The following DAG1 variants were observed in gnomAD, a reference collection of about 807,000 sequenced individuals.
The protein encoded by DAG1 is dystroglycan 1.
In DAG1, 8 loss-of-function variants were observed where a neutral mutation model predicts 46.1. That is an observed-to-expected ratio of 0.17 (90% CI 0.10 to 0.31). The LOEUF is 0.31. Ranked by LOEUF, DAG1 falls within the 10% of genes least tolerant of loss-of-function variation. DAG1 has a pLI of 1.00. For synonymous variants in DAG1, 495 were observed against 481.8 expected (o/e 1.03, Z -0.36); for missense variants, 1,003 against 1,189.9 (o/e 0.84, Z 2.31).
At chr3:49,503,054 G>T (rs1055192406) in intron 1 of DAG1, among the ~76,000 whole-genome samples, 2 of 152,152 alleles carry the variant, frequency 1.3e-5, no homozygotes, top group African/African-American at 4.8e-5. Flanking sequence ...TGGACATTAG[G>T]ATTGTTTTTA....
At chr3:49,525,626 C>T (rs1309057470) in intron 2 of DAG1, among the ~76,000 whole-genome samples, 8 of 151,250 alleles carry the variant, frequency 5.3e-5, no homozygotes, top group African/African-American at 1.9e-4. Flanking sequence ...GGCGTGATCT[C>T]GGCTCACTGC....
At chr3:49,473,830 C>T (rs138484388) in intron 1 of DAG1, among the ~76,000 whole-genome samples, 1,970 of 151,610 alleles carry the variant, frequency 0.013, 22 homozygotes, top group Non-Finnish European at 0.019. Context: ...GTGATCCGCC[C>T]GCGTCAGCCT....
rs561289962 is a variant in DAG1, at chr3:49,532,555, G to A, written c.2044G>A (p.Ala682Thr). ...GATCGCTGGGCTGAGCCGCCGGATC[G>A]CTGAGGATGATGGAAAACCTCGGCC... ...EQIAGLSRRI[A>T]EDDGKPRPAF... The change falls in exon 3 of 3, where the codon GCT (alanine) becomes ACT (threonine). Residue 682 changes from alanine (A) to threonine (T), a missense_variant. This residue lies in a region of DAG1 where 755 missense variants were observed against 854.1 expected (regional missense o/e 0.88). Coordinates refer to ENST00000308775, the MANE Select transcript of DAG1 (RefSeq NM_004393.6). This position sits in a 1 kb window ranked among gnomAD's most constrained non-coding sequence, Gnocchi z 5.4. The A allele has an allele frequency of 1.2e-5, 20 of 1,613,038 alleles. No homozygotes were observed. The highest frequency in any genetic ancestry group is 4.5e-5 in the East Asian group (2 of 44,864).
chr3:49,521,634 C>T (rs778972921), intron 2 of DAG1, among the ~76,000 whole-genome samples: 16 of 151,828 alleles, frequency 1.1e-4, no homozygotes, highest in South Asian at 4.2e-4. Context: ...TTTGTAAAGA[C>T]GACGTTTTGC....
At chr3:49,487,692 C>CTTTTTTTTTTTTTTTTTTTTT (rs10686005) in intron 1 of DAG1, among the ~76,000 whole-genome samples, 2 of 105,718 alleles carry the variant, frequency 1.9e-5, no homozygotes, top group African/African-American at 3.6e-5. Flanking sequence ...CCCATACATT[C>CTTTTTTTTTTTTTTTTTTTTT]TTTTTTTTTT....
chr3:49,472,801 C>A (rs1052954366), intron 1 of DAG1, among the ~76,000 whole-genome samples: 1 of 150,704 alleles, frequency 6.6e-6, no homozygotes, highest in African/African-American at 2.4e-5. Flanking sequence ...ATCGAGACTC[C>A]GTCTCAAAAA....
chr3:49,509,828 A>G (rs866194784), intron 1 of DAG1, among the ~76,000 whole-genome samples: 1 of 152,044 alleles, frequency 6.6e-6, no homozygotes, highest in African/African-American at 2.4e-5. Flanking sequence ...TCCCGGGTTC[A>G]AGTGATTCTC....
chr3:49,532,816 A>G lies in DAG1; in HGVS notation c.2305A>G (p.Ile769Val). Residue 769 changes from isoleucine (I) to valine (V), a missense_variant, in exon 3 of 3, where the codon ATC (isoleucine) becomes GTC (valine). Transcript: ENST00000308775. This position sits in a 1 kb window ranked among gnomAD's most constrained non-coding sequence, Gnocchi z 5.4. Reference sequence around the variant, plus strand: ...CGCAGCCATCCTGCTCATTGCTGGCATCATTGCCATGATCTGCTACCGCAA... The same window carrying G: ...CGCAGCCATCCTGCTCATTGCTGGCGTCATTGCCATGATCTGCTACCGCAA... ...VVAAILLIAG[I>V]IAMICYRKKR... The G allele has an allele frequency of 6.2e-7, 1 of 1,614,102 alleles. No individual in the cohort carries two copies. Among genetic ancestry groups the G allele is most frequent in the South Asian group, 1.1e-5 (1 of 91,084 alleles).
chr3:49,512,804 C>A (rs557644365), intron 2 of DAG1, among the ~76,000 whole-genome samples: 43 of 151,632 alleles, frequency 2.8e-4, no homozygotes, highest in Admixed American at 9.9e-4. Flanking sequence ...CCCAACTCTA[C>A]AAAAAATACA....
intron 1 of DAG1, among the ~76,000 whole-genome samples, chr3:49,509,255 G>A (rs2050694921): frequency 6.6e-6 from 1 of 152,068 alleles, no homozygotes; most frequent in African/African-American, 2.4e-5. Flanking sequence ...CAGCATAGTG[G>A]GACACTGTCT....
chr3:49,497,571 C>T (rs2107472158), intron 1 of DAG1, among the ~76,000 whole-genome samples: 1 of 151,740 alleles, frequency 6.6e-6, no homozygotes, highest in East Asian at 1.9e-4. Flanking sequence ...ATTACTGTAC[C>T]ACTGTACTCC....
intron 2 of DAG1, among the ~76,000 whole-genome samples, chr3:49,516,871 G>A (rs2050911329): frequency 6.6e-6 from 1 of 152,042 alleles, no homozygotes; most frequent in Non-Finnish European, 1.5e-5. Context: ...GCTTCTTTGA[G>A]CCGTTCAGCA....
Position 49,533,067 on chromosome 3 carries a change from C to T in DAG1, c.2556C>T (p.Pro852=). 1 of 1,614,192 alleles carries T rather than the reference C, an allele frequency of 6.2e-7. No individual in the cohort carries two copies. Among genetic ancestry groups the T allele is most frequent in the South Asian group, 1.1e-5 (1 of 91,076 alleles). The change falls in exon 3 of 3, where the codon CCC becomes CCT. Residue 852 remains proline (P), a synonymous_variant. Transcript: ENST00000308775. The part of the protein sequence containing the change: ...LNQDTMGEYT[P]LRDEDPNAPP... ...AGGACACCATGGGAGAGTACACGCCCCTGCGGGATGAGGATCCCAATGCGC... is the reference window on the plus strand; with the variant it reads ...AGGACACCATGGGAGAGTACACGCCTCTGCGGGATGAGGATCCCAATGCGC...
chr3:49,469,260 C>G (rs781413710), upstream of DAG1, among the ~76,000 whole-genome samples: 5 of 152,076 alleles, frequency 3.3e-5, no homozygotes, highest in Non-Finnish European at 5.9e-5. Context: ...GGCCACAGGC[C>G]AAGGAGGGAA....
intron 2 of DAG1, among the ~76,000 whole-genome samples, chr3:49,523,721 C>T (rs935099675): frequency 5.3e-5 from 8 of 152,156 alleles, no homozygotes; most frequent in Non-Finnish European, 7.3e-5. Flanking sequence ...GTGCAGTAGC[C>T]TCAAATTACT....
Position 49,518,691 on chromosome 3 carries a change from C to T in DAG1, c.285+7872C>T, listed in dbSNP as rs572477895. On this transcript the variant is annotated intron_variant, in intron 2 of 2. Coordinates refer to ENST00000308775, the MANE Select transcript of DAG1 (RefSeq NM_004393.6). ...AGCCTGGCCAGCACTTGTTGCTTAA[C>T]CAATGCTGTTCTCCAGTTCTGCCTT... is the stretch of plus-strand genomic sequence containing the variant. Among the ~76,000 whole-genome samples, 3 of 152,298 alleles carry T rather than the reference C, an allele frequency of 2.0e-5. No homozygotes were observed. In the East Asian group the frequency reaches 5.8e-4, roughly 29 times the overall value.
At chr3:49,481,835 C>G (rs1297051444) in intron 1 of DAG1, among the ~76,000 whole-genome samples, 1 of 152,134 alleles carries the variant, frequency 6.6e-6, no homozygotes, top group East Asian at 1.9e-4. Context: ...AAACAAGCAC[C>G]TCTTATAGAG....
intron 1 of DAG1, among the ~76,000 whole-genome samples, chr3:49,477,453 G>A (rs565626683): frequency 1.1e-4 from 16 of 152,156 alleles, no homozygotes; most frequent in African/African-American, 3.4e-4. Flanking sequence ...CACCATGCCC[G>A]GCTAATTTTT....
chr3:49,500,827 C>G (rs571796513), intron 1 of DAG1, among the ~76,000 whole-genome samples: 44 of 152,268 alleles, frequency 2.9e-4, no homozygotes, highest in African/African-American at 1.0e-3. Flanking sequence ...GTATTTACCT[C>G]TGTTTGGACC....
Sources: allele counts gnomAD v4.1 joint callset (sites outside exome capture counted in the v4.1 genomes callset), GRCh38; gene constraint gnomAD v4.1.1; regional missense constraint gnomAD v4.1.1; non-coding constraint Gnocchi (gnomAD v3.1); transcripts MANE v1.5; gene names NCBI Gene and HGNC (gene_info 2026-07-23, HGNC 2026-07-21).